The following GPC6 variants were observed in gnomAD, a reference collection of about 807,000 sequenced individuals.
The protein encoded by GPC6 is glypican 6, also known as glypican-6.
GPC6 carries 14 observed loss-of-function variants against 55.2 expected under a neutral mutation model. That is an observed-to-expected ratio of 0.25 (90% CI 0.17 to 0.40). The LOEUF is 0.40. Among genes scored for constraint, GPC6 ranks in the 10% least tolerant of loss-of-function variants. The pLI is 1.00. For synonymous variants in GPC6, 278 were observed against 259.6 expected (o/e 1.07, Z -0.68); for missense variants, 641 against 708.5 (o/e 0.90, Z 1.08).
At chr13:93,987,709 G>T (rs531795902) in intron 3 of GPC6, among the ~76,000 whole-genome samples, 2 of 152,246 alleles carry the variant, frequency 1.3e-5, no homozygotes, top group South Asian at 4.1e-4. Context: ...TAGACACTGT[G>T]ACCCCCCTTC....
Position 94,115,250 on chromosome 13 carries a change from CA to C in GPC6, c.877+87357del, listed in dbSNP as rs199512600. On this transcript the variant is annotated intron_variant, in intron 4 of 8. Coordinates refer to ENST00000377047, the MANE Select transcript of GPC6 (RefSeq NM_005708.5). ...CAGTCATGTGGCTGCAAATGTCCTC[CA>C]GGGGGCCATTTAGCTATCTCCTTTT... Among the ~76,000 whole-genome samples the C allele has an allele frequency of 9.0e-3, 1,369 of 152,120 alleles. 23 individuals carry two copies. The highest frequency in any genetic ancestry group is 0.032 in the African/African-American group (1,309 of 41,502).
At chr13:94,311,218 CTT>C (rs34239151) in intron 6 of GPC6, among the ~76,000 whole-genome samples, 7 of 145,252 alleles carry the variant, frequency 4.8e-5, no homozygotes, top group African/African-American at 7.5e-5. Context: ...GCTAATAACA[CTT>C]TTTTTTTTTT....
At chr13:93,899,096 A>G (rs1355430184) in intron 3 of GPC6, among the ~76,000 whole-genome samples, 2 of 151,630 alleles carry the variant, frequency 1.3e-5, no homozygotes, top group Admixed American at 6.6e-5. Context: ...ATGTGCTTTC[A>G]TGACTTCTGG....
intron 2 of GPC6, among the ~76,000 whole-genome samples, chr13:93,803,479 C>T (rs1340202576): frequency 6.6e-6 from 1 of 152,120 alleles, no homozygotes; most frequent in African/African-American, 2.4e-5. Flanking sequence ...TTATACATTG[C>T]TGGTGGGAAT....
intron 4 of GPC6, among the ~76,000 whole-genome samples, chr13:94,103,503 A>G (rs1252111188): frequency 6.6e-6 from 1 of 152,194 alleles, no homozygotes; most frequent in Non-Finnish European, 1.5e-5. Context: ...ACTCCCACCA[A>G]CAGTGTAAAA....
chr13:93,312,792 T>A (rs1259300345), intron 1 of GPC6, among the ~76,000 whole-genome samples: 1 of 152,186 alleles, frequency 6.6e-6, no homozygotes, highest in East Asian at 1.9e-4. Flanking sequence ...TCTCATGCTG[T>A]GTGTGATTTT....
intron 2 of GPC6, among the ~76,000 whole-genome samples, chr13:93,620,538 A>G (rs1423446434): frequency 6.6e-6 from 1 of 152,204 alleles, no homozygotes; most frequent in Non-Finnish European, 1.5e-5. Context: ...AACTTTTTAA[A>G]TAAAGTGTGC....
At chr13:93,776,548 G>A (rs1332130746) in intron 2 of GPC6, among the ~76,000 whole-genome samples, 2 of 151,642 alleles carry the variant, frequency 1.3e-5, no homozygotes, top group Non-Finnish European at 2.9e-5. Context: ...ATATGATCCG[G>A]ATCCATCAAT....
intron 4 of GPC6, among the ~76,000 whole-genome samples, chr13:94,117,279 C>T (rs1886467327): frequency 6.6e-6 from 1 of 152,074 alleles, no homozygotes; most frequent in South Asian, 2.1e-4. Flanking sequence ...CAGAGAAACC[C>T]AGGGCTTAAT....
At chr13:93,425,414 C>T (rs940931688) in intron 1 of GPC6, among the ~76,000 whole-genome samples, 4 of 142,314 alleles carry the variant, frequency 2.8e-5, no homozygotes, top group African/African-American at 9.8e-5. Flanking sequence ...GTTCATTGTA[C>T]ACCAACCACA....
rs538939934 is a variant in GPC6 at position 93,670,736 on chromosome 13, T to C, written c.319+125315T>C. Among the ~76,000 whole-genome samples, 4 of 152,316 alleles carry C rather than the reference T, an allele frequency of 2.6e-5. No individual in the cohort carries two copies. The South Asian group carries it at 8.3e-4, about 32-fold the overall frequency. The stretch of plus-strand genomic sequence containing the variant: ...AGACTGCTCTCACTCAGTAACGGTT[T>C]TACAATTCAGTAGCAGAATAGCTCA... On this transcript the variant is annotated intron_variant, in intron 2 of 8. Coordinates refer to ENST00000377047, the MANE Select transcript of GPC6 (RefSeq NM_005708.5).
In GPC6 at chr13:94,074,243, TA is replaced by T. The variant is rs1011054168; in HGVS notation, c.877+46358del. ...AAATAATTCATATTCAATAGCTCAG[TA>T]AAAAAAAATACTTTTCAAAATAGGG... is the stretch of plus-strand genomic sequence containing the variant. On this transcript the variant is annotated intron_variant, in intron 4 of 8. Transcript: ENST00000377047. Among the ~76,000 whole-genome samples, 523 of 151,266 alleles carry T rather than the reference TA, an allele frequency of 3.5e-3. 2 individuals are homozygous for T. The highest frequency in any genetic ancestry group is 0.012 in the African/African-American group (481 of 41,286).
chr13:94,085,352 A>G (rs1415068506), intron 4 of GPC6, among the ~76,000 whole-genome samples: 1 of 151,000 alleles, frequency 6.6e-6, no homozygotes, highest in Non-Finnish European at 1.5e-5. Context: ...AAAGGGAAGA[A>G]AAAGAAAAAA....
At chr13:94,372,417 G>C (rs548342287) in intron 6 of GPC6, among the ~76,000 whole-genome samples, 42 of 152,348 alleles carry the variant, frequency 2.8e-4, no homozygotes, top group Non-Finnish European at 4.4e-4. Context: ...CAAGGGGTCA[G>C]GGAGTTCCCT....
At chr13:93,346,310 G>A (rs188790296) in intron 1 of GPC6, among the ~76,000 whole-genome samples, 14 of 152,300 alleles carry the variant, frequency 9.2e-5, no homozygotes, top group African/African-American at 3.1e-4. Context: ...ATGGGCAAGT[G>A]TAAAGCTGAA....
chr13:94,139,287 AT>A (rs907164328), intron 4 of GPC6, among the ~76,000 whole-genome samples: 1 of 152,184 alleles, frequency 6.6e-6, no homozygotes, highest in African/African-American at 2.4e-5. Context: ...ATGTAACAAA[AT>A]TATTCTTATA....
intron 5 of GPC6, among the ~76,000 whole-genome samples, chr13:94,301,889 A>G (rs1014524497): frequency 3.3e-5 from 5 of 152,072 alleles, no homozygotes; most frequent in Admixed American, 2.6e-4. Flanking sequence ...TTATTTCTCA[A>G]TTGTTTTTTT....
At chr13:93,368,592 G>T (rs774371881) in intron 1 of GPC6, among the ~76,000 whole-genome samples, 1 of 151,876 alleles carries the variant, frequency 6.6e-6, no homozygotes. Context: ...GAGTTGAGCA[G>T]AAACCCAGCT....
intron 2 of GPC6, among the ~76,000 whole-genome samples, chr13:93,753,016 C>G (rs751266136): frequency 4.1e-4 from 63 of 152,152 alleles, no homozygotes; most frequent in Non-Finnish European, 7.6e-4. Flanking sequence ...TTTAGATAAC[C>G]TGCTTCCTTA....
Sources: allele counts gnomAD v4.1 joint callset (sites outside exome capture counted in the v4.1 genomes callset), GRCh38; gene constraint gnomAD v4.1.1; transcripts MANE v1.5; gene names NCBI Gene and HGNC (gene_info 2026-07-23, HGNC 2026-07-21).